Variants in TNRC6C observed in about 807,000 individuals in gnomAD.
TNRC6C encodes trinucleotide repeat containing adaptor 6C.
In TNRC6C, 20 loss-of-function variants were observed where a neutral mutation model predicts 153.7. The observed-to-expected ratio is 0.13, with a 90% CI of 0.09 to 0.19. The LOEUF (loss-of-function observed/expected upper bound fraction) is 0.19. Ranked by LOEUF, TNRC6C falls within the 10% of genes least tolerant of loss-of-function variation. The probability of loss-of-function intolerance (pLI) is 1.00; values close to 1 mark genes in which losing one functional copy is unlikely to be tolerated. For missense variants in TNRC6C, 1,987 were observed against 2,172.0 expected, an observed-to-expected ratio of 0.91 and a Z score of 1.69; for synonymous variants, 811 against 841.4, an observed-to-expected ratio of 0.96 and a Z score of 0.63.
intron 1 of TNRC6C, among the ~76,000 whole-genome samples, chr17:77,989,011 G>C (rs9901915): frequency 0.011 from 1,741 of 152,284 alleles, 39 homozygotes; most frequent in African/African-American, 0.038. Context: ...TTTTCACCGG[G>C]TGGAAGTATC....
chr17:78,047,394 C>T (rs1210981701), intron 2 of TNRC6C, among the ~76,000 whole-genome samples: 5 of 152,166 alleles, frequency 3.3e-5, no homozygotes, highest in Admixed American at 2.6e-4. Flanking sequence ...TGCCTGTCTT[C>T]ATTTTTCCTT....
upstream of TNRC6C, among the ~76,000 whole-genome samples, chr17:78,003,344 G>C (rs762639920): frequency 2.6e-5 from 4 of 152,118 alleles, no homozygotes; most frequent in Non-Finnish European, 5.9e-5. Context: ...GAGGCATCCA[G>C]AGAAGGAAAA....
intron 1 of TNRC6C, among the ~76,000 whole-genome samples, chr17:77,965,494 A>G (rs1335024497): frequency 2.0e-5 from 3 of 152,220 alleles, no homozygotes. Flanking sequence ...AGGTCCTTGG[A>G]AGCCAGAGCT....
intron 1 of TNRC6C, among the ~76,000 whole-genome samples, chr17:77,998,075 A>G (rs1214496822): frequency 6.6e-6 from 1 of 152,184 alleles, no homozygotes; most frequent in Non-Finnish European, 1.5e-5. Flanking sequence ...TTTAACAAAC[A>G]CATACAACCA....
At chr17:78,100,182 A>G (rs1233348490) in intron 17 of TNRC6C, among the ~76,000 whole-genome samples, 1 of 152,086 alleles carries the variant, frequency 6.6e-6, no homozygotes, top group Non-Finnish European at 1.5e-5. Context: ...CAGTGGATCT[A>G]CCATTCTGGG....
At position 77,980,076 on chromosome 17, in the gene TNRC6C, A is replaced by G. The variant is rs116564513; in HGVS notation, c.-38+20808A>G. ...AGAGGTACTATAAAGAAAGTTCTTC[A>G]GGTAAAAGGAAAATTATCCCAGCTG... On this transcript the variant is annotated intron_variant, in intron 1 of 22. Coordinates refer to the TNRC6C transcript ENST00000636222. Among the ~76,000 whole-genome samples the G allele has an allele frequency of 8.0e-3, 1,223 of 152,324 alleles. 19 individuals are homozygous for G. The highest frequency in any genetic ancestry group is 0.027 in the African/African-American group (1,134 of 41,566).
intron 1 of TNRC6C, among the ~76,000 whole-genome samples, chr17:77,994,930 G>A (rs2071305395): frequency 6.6e-6 from 1 of 152,164 alleles, no homozygotes; most frequent in Non-Finnish European, 1.5e-5. Context: ...TGATTGGTGT[G>A]ACAGTATTTA....
At chr17:78,106,522 T>TAAAAAAAAAAAAA (rs113939739) in exon 20 of TNRC6C, 1 of 92,622 alleles carries the variant, frequency 1.1e-5, no homozygotes, top group Non-Finnish European at 2.4e-5. Flanking sequence ...AGATGTTATT[T>TAAAAAAAAAAAAA]AAAAAAAAAA....
chr17:77,999,321 TG>T, upstream of TNRC6C, among the ~76,000 whole-genome samples: 1 of 152,210 alleles, frequency 6.6e-6, no homozygotes, highest in East Asian at 1.9e-4. Context: ...TGGCTGTGAT[TG>T]GGGCCCACTC....
At chr17:78,063,917 C>A (rs1337140023) in intron 3 of TNRC6C, among the ~76,000 whole-genome samples, 2 of 152,142 alleles carry the variant, frequency 1.3e-5, no homozygotes, top group Non-Finnish European at 2.9e-5. Flanking sequence ...GCTATTTAAC[C>A]ATAGTTTTAA....
At chr17:78,108,258 C>G (rs1025127669) in exon 20 of TNRC6C, 24 of 154,428 alleles carry the variant, frequency 1.6e-4, no homozygotes, top group African/African-American at 4.8e-4. Context: ...CTGGCCCCCC[C>G]CCACCCATGG....
chr17:78,093,801 C>G, intron 16 of TNRC6C, 38 bp downstream of exon 18: 1 of 1,609,784 alleles, frequency 6.2e-7, no homozygotes, highest in Non-Finnish European at 8.5e-7. Context: ...CATGGACGGT[C>G]TCTCTAGACC....
At chr17:78,063,454 A>G (rs2072810050) in intron 3 of TNRC6C, among the ~76,000 whole-genome samples, 3 of 151,870 alleles carry the variant, frequency 2.0e-5, no homozygotes, top group African/African-American at 7.3e-5. Flanking sequence ...ATTTGTATAA[A>G]TGGATCACTG....
intron 3 of TNRC6C, among the ~76,000 whole-genome samples, chr17:78,059,859 A>AAG (rs1555638737): frequency 2.0e-5 from 3 of 151,826 alleles, no homozygotes; most frequent in African/African-American, 7.3e-5. Context: ...AAAAAAAAAA[A>AAG]AAAAGAAAAA....
chr17:77,984,826 A>ACG (rs979357893), intron 1 of TNRC6C, among the ~76,000 whole-genome samples: 44 of 148,522 alleles, frequency 3.0e-4, no homozygotes, highest in African/African-American at 1.1e-3. Context: ...AGCCTCTTAT[A>ACG]CGCACACACA....
At chr17:77,976,395 A>T (rs2070997832) in intron 1 of TNRC6C, among the ~76,000 whole-genome samples, 1 of 152,204 alleles carries the variant, frequency 6.6e-6, no homozygotes, top group Non-Finnish European at 1.5e-5. Flanking sequence ...GATTGAATTC[A>T]TATTCTTTGT....
At chr17:78,067,680 A>T in intron 4 of TNRC6C, 77 bp from the exon 7 acceptor site, 2 of 1,445,550 alleles carry the variant, frequency 1.4e-6, no homozygotes, top group Non-Finnish European at 1.8e-6. Flanking sequence ...CACGACCCCT[A>T]AATTATATGT....
intron 16 of TNRC6C, chr17:78,097,836 C>T (rs1267852295): frequency 6.5e-7 from 1 of 1,550,050 alleles, no homozygotes; most frequent in South Asian, 1.2e-5. Flanking sequence ...CTTTCAGCAG[C>T]ATTGCATCCG....
chr17:77,969,292 C>T (rs1013594080), intron 1 of TNRC6C, among the ~76,000 whole-genome samples: 5 of 151,872 alleles, frequency 3.3e-5, no homozygotes, highest in Non-Finnish European at 5.9e-5. Flanking sequence ...TCGCTGTCAC[C>T]AGGCTGGAGT....
Sources: allele counts gnomAD v4.1 joint callset (sites outside exome capture counted in the v4.1 genomes callset), GRCh38; gene constraint gnomAD v4.1.1; transcripts MANE v1.5; gene names NCBI Gene and HGNC (gene_info 2026-07-23, HGNC 2026-07-21).